Variants in SLC24A2 observed in about 807,000 individuals in gnomAD.
SLC24A2 encodes the protein sodium/potassium/calcium exchanger 2.
A neutral mutation model predicts 62.0 loss-of-function variants in SLC24A2; 36 were observed. The ratio of observed to expected loss-of-function variants is 0.58; its 90% CI spans 0.44 to 0.77. The LOEUF is 0.77. Among genes scored for constraint, SLC24A2 ranks in the 30% least tolerant of loss-of-function variants. SLC24A2 has a pLI of 0.00. For missense variants in SLC24A2, 846 were observed against 817.9 expected, an observed-to-expected ratio of 1.03 and a Z score of -0.42; for synonymous variants, 358 against 294.0, an observed-to-expected ratio of 1.22 and a Z score of -2.23.
At chr9:19,622,375 A>C in intron 2 of SLC24A2, 76 bp from the exon 3 acceptor site, 1 of 1,406,704 alleles carries the variant, frequency 7.1e-7, no homozygotes, top group Non-Finnish European at 1.0e-6. Flanking sequence ...ATTTACATTT[A>C]ATAACAAGCA....
the SLC24A2 span, among the ~76,000 whole-genome samples, chr9:20,249,111 G>C: frequency 6.6e-6 from 1 of 152,126 alleles, no homozygotes; most frequent in Non-Finnish European, 1.5e-5. Context: ...TGTGACTTTG[G>C]GTAAGTTGAT....
At chr9:20,161,595 C>G in the SLC24A2 span, among the ~76,000 whole-genome samples, 1 of 150,890 alleles carries the variant, frequency 6.6e-6, no homozygotes, top group Non-Finnish European at 1.5e-5. Flanking sequence ...AATATAATTC[C>G]CTATAATAAG....
the SLC24A2 span, among the ~76,000 whole-genome samples, chr9:19,962,636 G>A: frequency 2.0e-5 from 3 of 152,156 alleles, no homozygotes; most frequent in African/African-American, 7.2e-5. Context: ...TTGTGAATGG[G>A]AGTTCACTCA....
the SLC24A2 span, among the ~76,000 whole-genome samples, chr9:20,066,462 C>T: frequency 2.2e-3 from 342 of 152,266 alleles, 1 homozygote; most frequent in Non-Finnish European, 3.8e-3. Flanking sequence ...TGCACATCTT[C>T]TGAATTATTC....
the SLC24A2 span, among the ~76,000 whole-genome samples, chr9:19,835,679 T>C: frequency 6.6e-6 from 1 of 152,014 alleles, no homozygotes; most frequent in African/African-American, 2.4e-5. Context: ...AGACAGAAAG[T>C]TAACAAGGAT....
chr9:19,825,877 G>A, the SLC24A2 span, among the ~76,000 whole-genome samples: 1 of 152,094 alleles, frequency 6.6e-6, no homozygotes, highest in East Asian at 1.9e-4. Context: ...AGAGGCACAT[G>A]GGAAAACTGA....
At chr9:20,028,724 G>A in the SLC24A2 span, among the ~76,000 whole-genome samples, 3 of 152,252 alleles carry the variant, frequency 2.0e-5, no homozygotes, top group South Asian at 2.1e-4. Context: ...GCCCACCTGC[G>A]GCATCTCTTG....
the SLC24A2 span, among the ~76,000 whole-genome samples, chr9:20,006,579 C>T: frequency 6.6e-6 from 1 of 151,584 alleles, no homozygotes; most frequent in Non-Finnish European, 1.5e-5. Context: ...TCTCATATAC[C>T]CCATAAATAT....
intron 5 of SLC24A2, among the ~76,000 whole-genome samples, chr9:19,582,543 G>C (rs1836238993): frequency 6.6e-6 from 1 of 152,166 alleles, no homozygotes; most frequent in South Asian, 2.1e-4. Context: ...AATAACACAG[G>C]AGGAAAAACT....
the SLC24A2 span, among the ~76,000 whole-genome samples, chr9:20,153,729 C>A: frequency 1.3e-5 from 2 of 151,742 alleles, no homozygotes; most frequent in Non-Finnish European, 2.9e-5. Flanking sequence ...AACAAACGAA[C>A]ACAAATTCCT....
At chr9:19,579,684 A>G (rs963996059) in intron 5 of SLC24A2, among the ~76,000 whole-genome samples, 1 of 152,242 alleles carries the variant, frequency 6.6e-6, no homozygotes, top group Non-Finnish European at 1.5e-5. Flanking sequence ...CTGTGGAAAT[A>G]AAACCTAAAA....
chr9:19,633,853 A>G (rs1818238456), intron 2 of SLC24A2, among the ~76,000 whole-genome samples: 1 of 152,130 alleles, frequency 6.6e-6, no homozygotes, highest in South Asian at 2.1e-4. Flanking sequence ...CCTTTGTTAG[A>G]CACGTGGTCT....
chr9:19,718,957 T>C (rs1473866729), intron 2 of SLC24A2, among the ~76,000 whole-genome samples: 2 of 152,154 alleles, frequency 1.3e-5, no homozygotes, highest in African/African-American at 4.8e-5. Context: ...TTCAAACTAT[T>C]TGAGAAAGAA....
At chr9:20,009,583 G>A in the SLC24A2 span, among the ~76,000 whole-genome samples, 1 of 152,024 alleles carries the variant, frequency 6.6e-6, no homozygotes, top group Non-Finnish European at 1.5e-5. Flanking sequence ...TCTCCACACA[G>A]CCCAAGTGCT....
chr9:20,028,985 C>T, the SLC24A2 span, among the ~76,000 whole-genome samples: 1 of 152,198 alleles, frequency 6.6e-6, no homozygotes, highest in South Asian at 2.1e-4. Flanking sequence ...AGCGACAGTC[C>T]TGGATTTATT....
the SLC24A2 span, among the ~76,000 whole-genome samples, chr9:19,970,765 A>C: frequency 6.6e-6 from 1 of 152,242 alleles, no homozygotes; most frequent in Admixed American, 6.5e-5. Context: ...GTAGGAGAAA[A>C]AAAGTATTCT....
At chr9:19,921,347 C>T in the SLC24A2 span, among the ~76,000 whole-genome samples, 1 of 151,626 alleles carries the variant, frequency 6.6e-6, no homozygotes, top group Non-Finnish European at 1.5e-5. Context: ...CATGGTAAAA[C>T]CCCGTCTCTA....
the SLC24A2 span, among the ~76,000 whole-genome samples, chr9:20,246,611 C>T: frequency 2.0e-5 from 3 of 152,176 alleles, no homozygotes; most frequent in Non-Finnish European, 2.9e-5. Flanking sequence ...AAGTTACTCA[C>T]AGGTCAACAG....
the SLC24A2 span, among the ~76,000 whole-genome samples, chr9:20,154,692 G>A: frequency 9.3e-5 from 14 of 151,336 alleles, no homozygotes; most frequent in African/African-American, 2.9e-4. Context: ...AAAATGTATT[G>A]GGCTCCATGT....
Sources: allele counts gnomAD v4.1 joint callset (sites outside exome capture counted in the v4.1 genomes callset), GRCh38; gene constraint gnomAD v4.1.1; transcripts MANE v1.5; gene names NCBI Gene and HGNC (gene_info 2026-07-23, HGNC 2026-07-21).